GBF1: variants seen among roughly 807,000 people sequenced by gnomAD.
GBF1 encodes the protein Golgi-specific brefeldin A-resistance guanine nucleotide exchange factor 1.
A neutral mutation model predicts 210.5 loss-of-function variants in GBF1; 114 were observed. The observed-to-expected ratio is 0.54, with a 90% CI of 0.47 to 0.63. The LOEUF (loss-of-function observed/expected upper bound fraction) is 0.63. Among genes scored for constraint, GBF1 ranks in the 30% least tolerant of loss-of-function variants. The probability of loss-of-function intolerance (pLI) is 0.00; values close to 1 mark genes in which losing one functional copy is unlikely to be tolerated. For synonymous variants in GBF1, 850 were observed against 889.2 expected, an observed-to-expected ratio of 0.96 and a Z score of 0.78; for missense variants, 1,851 against 2,357.7, an observed-to-expected ratio of 0.79 and a Z score of 4.45.
intron 3 of GBF1, among the ~76,000 whole-genome samples, chr10:102,337,790 G>A (rs541024684): frequency 2.5e-4 from 38 of 152,208 alleles, no homozygotes; most frequent in Non-Finnish European, 4.3e-4. Context: ...CCAGGAGGCA[G>A]AGGTTGCAGT....
intron 3 of GBF1, among the ~76,000 whole-genome samples, chr10:102,260,461 ATATTT>A (rs202146714): frequency 0.011 from 1,071 of 95,508 alleles, 18 homozygotes; most frequent in Non-Finnish European, 0.013. Flanking sequence ...TGCCTGGCCT[ATATTT>A]TCCTTTCTTC....
intron 3 of GBF1, among the ~76,000 whole-genome samples, chr10:102,280,624 C>T (rs2075396785): frequency 6.6e-6 from 1 of 152,194 alleles, no homozygotes; most frequent in Non-Finnish European, 1.5e-5. Context: ...AAATGAAGTA[C>T]CTCTTGTCTC....
At chr10:102,272,741 C>T (rs2074561140) in intron 3 of GBF1, among the ~76,000 whole-genome samples, 10 of 152,206 alleles carry the variant, frequency 6.6e-5, no homozygotes, top group Admixed American at 6.5e-4. Flanking sequence ...AGGATAAATG[C>T]TTAATTCATT....
At chr10:102,367,052 G>T in intron 19 of GBF1, 33 bp from the exon 20 acceptor site, 1 of 1,612,196 alleles carries the variant, frequency 6.2e-7, no homozygotes, top group South Asian at 1.1e-5. Context: ...CCAGAGAAGG[G>T]CATTGACACA....
intron 3 of GBF1, among the ~76,000 whole-genome samples, chr10:102,283,920 A>G (rs914859794): frequency 6.6e-6 from 1 of 152,192 alleles, no homozygotes; most frequent in Non-Finnish European, 1.5e-5. Flanking sequence ...TAAGTCTCCA[A>G]GGAGGGGAGA....
intron 36 of GBF1, 60 bp from the exon 37 acceptor site, chr10:102,380,189 C>G (rs1164378748): frequency 1.8e-6 from 2 of 1,115,878 alleles, no homozygotes; most frequent in Non-Finnish European, 2.8e-6. Flanking sequence ...TACCCAGCCT[C>G]AGAGAGGGGT....
Position 102,351,386 on chromosome 10 carries a change from G to T in GBF1, c.414+12G>T. ...TGAAAATCCTTCAGGTAAGCGAGAG[G>T]GAAATAGCAATTAGGCTAATGGCCA... is the stretch of plus-strand genomic sequence containing the variant. On this transcript the variant is annotated intron_variant, in intron 5 of 39. Transcript: ENST00000369983. 7.3e-7 allele frequency: 1 copy of T among 1,377,718 alleles called. No individual in the cohort carries two copies. Among genetic ancestry groups the T allele is most frequent in the Non-Finnish European group, 1.0e-6 (1 of 964,030 alleles). The allele number at this position is 1,377,718 out of a possible 1,614,324, so 85.3% of individuals were successfully genotyped here.
chr10:102,301,724 G>A (rs1427362506), intron 3 of GBF1, among the ~76,000 whole-genome samples: 2 of 142,868 alleles, frequency 1.4e-5, no homozygotes, highest in South Asian at 2.3e-4. Flanking sequence ...GGGCAGAGAC[G>A]CTCCTCACTT....
At chr10:102,332,632 C>T (rs1477189279) in intron 3 of GBF1, among the ~76,000 whole-genome samples, 1 of 152,142 alleles carries the variant, frequency 6.6e-6, no homozygotes, top group Non-Finnish European at 1.5e-5. Flanking sequence ...GATTCGCCCA[C>T]CTTTGCCTAC....
the GBF1 span, among the ~76,000 whole-genome samples, chr10:102,235,990 C>T: frequency 6.6e-6 from 1 of 152,122 alleles, no homozygotes; most frequent in East Asian, 1.9e-4. Context: ...CTAGTAACAG[C>T]AGAGAGAGGA....
At chr10:102,334,280 CT>C (rs1282536727) in intron 3 of GBF1, among the ~76,000 whole-genome samples, 2 of 152,180 alleles carry the variant, frequency 1.3e-5, no homozygotes, top group Non-Finnish European at 2.9e-5. Context: ...CCAACTGCCC[CT>C]GATAAGAGTC....
At chr10:102,358,763 A>T in intron 10 of GBF1, 34 bp downstream of exon 10, 7 of 1,366,256 alleles carry the variant, frequency 5.1e-6, no homozygotes, top group Non-Finnish European at 7.3e-6. Context: ...CCTCTTCAGT[A>T]TTCCACTGTG....
chr10:102,311,031 A>G (rs2078378215), intron 3 of GBF1, among the ~76,000 whole-genome samples: 1 of 152,168 alleles, frequency 6.6e-6, no homozygotes, highest in Non-Finnish European at 1.5e-5. Context: ...GCTGCCACTT[A>G]CAGAAGTCCC....
In GBF1 at chr10:102,370,518, C is replaced by T. The variant is rs371058556; in HGVS notation, c.3506+40C>T. 4.4e-5 allele frequency: 66 copies of T among 1,511,514 alleles called. 1 individual carries two copies. Among genetic ancestry groups the T allele is most frequent in the Non-Finnish European group, 1.7e-5 (19 of 1,086,520 alleles). 93.6% of individuals were successfully genotyped at this position (1,511,514 alleles called of 1,614,324 possible). On this transcript the variant is annotated intron_variant, in intron 28 of 39. Coordinates refer to ENST00000369983, the MANE Select transcript of GBF1 (RefSeq NM_001377137.1). ...GTCTTTAGGCAGACCCCATGCTGGG[C>T]TTGTGCCAAAGGGATGGAAGCCATC...
At chr10:102,283,599 A>C (rs1473240160) in intron 3 of GBF1, among the ~76,000 whole-genome samples, 1 of 152,230 alleles carries the variant, frequency 6.6e-6, no homozygotes, top group African/African-American at 2.4e-5. Context: ...GGTATTGAAT[A>C]CTAGAGGATA....
At chr10:102,240,486 G>A (rs2070505105), upstream of GBF1, among the ~76,000 whole-genome samples, 1 of 152,214 alleles carries the variant, frequency 6.6e-6, no homozygotes, top group Non-Finnish European at 1.5e-5. Flanking sequence ...GCTGGGATTT[G>A]AGGTGACCCA....
chr10:102,294,279 T>C (rs572057755), intron 3 of GBF1, among the ~76,000 whole-genome samples: 1 of 152,246 alleles, frequency 6.6e-6, no homozygotes, highest in East Asian at 1.9e-4. Context: ...GCCTTCACAT[T>C]CACTCACTAT....
At position 102,361,928 on chromosome 10, in the gene GBF1, A is replaced by C. The variant is rs765434095; in HGVS notation, c.1686+16A>C. Reference sequence around the variant, plus strand: ...GCTGTCCAAGGTGCTGAGCACTATAACTGGCTTCTAGGAAAAAACGCATTA... The same window carrying C: ...GCTGTCCAAGGTGCTGAGCACTATACCTGGCTTCTAGGAAAAAACGCATTA... On this transcript the variant is annotated intron_variant, in intron 14 of 39. Coordinates refer to ENST00000369983, the MANE Select transcript of GBF1 (RefSeq NM_001377137.1). 2.4e-5 allele frequency: 36 copies of C among 1,528,132 alleles called. No homozygotes were observed. The highest frequency in any genetic ancestry group is 3.1e-5 in the Non-Finnish European group (35 of 1,131,236). 94.7% of individuals were successfully genotyped at this position (1,528,132 alleles called of 1,614,324 possible). A position where few individuals can be genotyped will look rare whatever the true frequency, so the allele number is the denominator to read the frequency against.
At chr10:102,328,673 G>A (rs374665199) in intron 3 of GBF1, among the ~76,000 whole-genome samples, 1 of 152,122 alleles carries the variant, frequency 6.6e-6, no homozygotes, top group South Asian at 2.1e-4. Flanking sequence ...TATCAGTCCT[G>A]TTATTGAGAC....
Sources: allele counts gnomAD v4.1 joint callset (sites outside exome capture counted in the v4.1 genomes callset), GRCh38; gene constraint gnomAD v4.1.1; transcripts MANE v1.5; gene names NCBI Gene and HGNC (gene_info 2026-07-23, HGNC 2026-07-21).